Variants in HDAC9 observed in about 807,000 individuals in gnomAD.
The protein encoded by HDAC9 is histone deacetylase 9, also known as MEF-2 interacting transcription repressor (MITR) protein.
A neutral mutation model predicts 139.4 loss-of-function variants in HDAC9; 41 were observed. The ratio of observed to expected loss-of-function variants is 0.29; its 90% CI spans 0.23 to 0.38. HDAC9 has a LOEUF of 0.38. HDAC9 is among the 10% of genes least tolerant of loss of function. The pLI is 1.00. For synonymous variants in HDAC9, 517 were observed against 476.2 expected (o/e 1.09, Z -1.12); for missense variants, 1,147 against 1,297.0 (o/e 0.88, Z 1.78).
At chr7:18,248,815 G>A (rs774306130) in intron 2 of HDAC9, among the ~76,000 whole-genome samples, 6 of 152,166 alleles carry the variant, frequency 3.9e-5, no homozygotes, top group South Asian at 2.1e-4. Flanking sequence ...AAAGATGAGA[G>A]CTAGATTCAT....
At chr7:18,247,705 G>A (rs1794647359) in intron 2 of HDAC9, among the ~76,000 whole-genome samples, 2 of 152,124 alleles carry the variant, frequency 1.3e-5, no homozygotes, top group Admixed American at 6.5e-5. Context: ...GGTGAGTGAT[G>A]CATTTCTTTG....
chr7:18,675,780 G>C (rs920008133), intron 12 of HDAC9, among the ~76,000 whole-genome samples: 4 of 151,956 alleles, frequency 2.6e-5, no homozygotes, highest in Non-Finnish European at 5.9e-5. Flanking sequence ...GGTTGATTCA[G>C]CTGCAGCCCT....
At chr7:18,941,509 G>T (rs1235171019) in intron 23 of HDAC9, among the ~76,000 whole-genome samples, 5 of 152,092 alleles carry the variant, frequency 3.3e-5, no homozygotes, top group African/African-American at 1.2e-4. Context: ...ATTGGATTCC[G>T]AATAGGGAAG....
chr7:18,373,428 A>G (rs1426057742), intron 1 of HDAC9, among the ~76,000 whole-genome samples: 1 of 152,214 alleles, frequency 6.6e-6, no homozygotes, highest in South Asian at 2.1e-4. Context: ...GGATAATAAT[A>G]GTGACTGCAT....
At chr7:18,436,270 C>A (rs991494402) in intron 1 of HDAC9, among the ~76,000 whole-genome samples, 3 of 152,088 alleles carry the variant, frequency 2.0e-5, no homozygotes, top group African/African-American at 4.8e-5. Flanking sequence ...TTTAAAATTT[C>A]TACTTCAAAT....
intron 3 of HDAC9, among the ~76,000 whole-genome samples, chr7:18,588,392 T>A (rs1238904728): frequency 6.6e-6 from 1 of 152,198 alleles, no homozygotes; most frequent in Non-Finnish European, 1.5e-5. Context: ...GATTTTGGAA[T>A]ATTTACATAT....
chr7:18,563,483 C>G (rs542491647), intron 2 of HDAC9, among the ~76,000 whole-genome samples: 2 of 152,022 alleles, frequency 1.3e-5, no homozygotes, highest in Non-Finnish European at 2.9e-5. Context: ...ATTTTCCATC[C>G]CCTAATATCT....
At chr7:18,944,475 G>A (rs1782235306) in intron 23 of HDAC9, among the ~76,000 whole-genome samples, 1 of 152,100 alleles carries the variant, frequency 6.6e-6, no homozygotes, top group Non-Finnish European at 1.5e-5. Flanking sequence ...ATGAACTCAA[G>A]ATCTAGACTT....
intron 1 of HDAC9, among the ~76,000 whole-genome samples, chr7:18,336,926 A>G (rs993005948): frequency 3.3e-5 from 5 of 151,658 alleles, no homozygotes; most frequent in African/African-American, 1.2e-4. Flanking sequence ...GTCAGGATAT[A>G]TTTTATAATT....
chr7:18,365,403 A>G (rs1193921744), intron 1 of HDAC9, among the ~76,000 whole-genome samples: 1 of 152,142 alleles, frequency 6.6e-6, no homozygotes, highest in Non-Finnish European at 1.5e-5. Flanking sequence ...TTAGGGAGAC[A>G]TAGTAGTGTA....
intron 12 of HDAC9, among the ~76,000 whole-genome samples, chr7:18,682,092 C>T (rs1328260425): frequency 6.6e-6 from 1 of 152,024 alleles, no homozygotes; most frequent in Admixed American, 6.6e-5. Context: ...TCTTTACCAA[C>T]ACAATTCTCA....
chr7:18,488,386 A>C (rs1242590736), intron 1 of HDAC9, among the ~76,000 whole-genome samples: 1 of 152,066 alleles, frequency 6.6e-6, no homozygotes, highest in Admixed American at 6.6e-5. Context: ...TAGTACATAT[A>C]CTAATGCAAA....
At chr7:18,236,468 C>G (rs1793823481) in intron 2 of HDAC9, among the ~76,000 whole-genome samples, 1 of 152,160 alleles carries the variant, frequency 6.6e-6, no homozygotes, top group Non-Finnish European at 1.5e-5. Context: ...ATTGCATTTA[C>G]TTGAAGTGAC....
intron 25 of HDAC9, among the ~76,000 whole-genome samples, chr7:18,986,734 T>G (rs1785390495): frequency 6.6e-6 from 1 of 152,234 alleles, no homozygotes; most frequent in South Asian, 2.1e-4. Context: ...GTTTGTATCC[T>G]CTTTTATTTC....
chr7:18,229,217 C>T (rs1004674809), intron 2 of HDAC9, among the ~76,000 whole-genome samples: 1 of 152,148 alleles, frequency 6.6e-6, no homozygotes, highest in Non-Finnish European at 1.5e-5. Flanking sequence ...TTGAATGTCA[C>T]ATTCTTGAGG....
intron 2 of HDAC9, among the ~76,000 whole-genome samples, chr7:18,571,717 A>G (rs1308272332): frequency 1.3e-5 from 2 of 151,998 alleles, no homozygotes; most frequent in Non-Finnish European, 2.9e-5. Flanking sequence ...TTGAAACCCT[A>G]TTCCTGTTAT....
At chr7:18,725,623 T>C (rs1785484488) in intron 12 of HDAC9, among the ~76,000 whole-genome samples, 1 of 152,074 alleles carries the variant, frequency 6.6e-6, no homozygotes, top group African/African-American at 2.4e-5. Flanking sequence ...CTGAAGAAAT[T>C]ATAGTAGAAA....
At chr7:18,718,742 A>C (rs1784907042) in intron 12 of HDAC9, among the ~76,000 whole-genome samples, 1 of 152,178 alleles carries the variant, frequency 6.6e-6, no homozygotes, top group African/African-American at 2.4e-5. Flanking sequence ...ACTCAAGTAC[A>C]AGTTTTTATG....
At chr7:18,185,998 G>T (rs1409411611) in intron 2 of HDAC9, among the ~76,000 whole-genome samples, 1 of 152,084 alleles carries the variant, frequency 6.6e-6, no homozygotes, top group African/African-American at 2.4e-5. Context: ...TGTATTTCAG[G>T]TTCTAAGTGT....
Sources: allele counts gnomAD v4.1 joint callset (sites outside exome capture counted in the v4.1 genomes callset), GRCh38; gene constraint gnomAD v4.1.1; transcripts MANE v1.5; gene names NCBI Gene and HGNC (gene_info 2026-07-23, HGNC 2026-07-21).